Variants in TEX2 observed in about 807,000 individuals in gnomAD.
TEX2 encodes the protein testis-expressed protein 2.
A neutral mutation model predicts 106.9 loss-of-function variants in TEX2; 53 were observed. The ratio of observed to expected loss-of-function variants is 0.50; its 90% confidence interval spans 0.40 to 0.62. The LOEUF (loss-of-function observed/expected upper bound fraction) is 0.62, where lower values mean the gene tolerates loss of function less well. Ranked by LOEUF, TEX2 falls within the 20% of genes least tolerant of loss-of-function variation. TEX2 has a pLI of 0.00. For synonymous variants in TEX2, 523 were observed against 534.8 expected (o/e 0.98, Z 0.30); for missense variants, 1,207 against 1,379.0 (o/e 0.88, Z 1.98).
chr17:64,199,839 G>C (rs1379729192), intron 2 of TEX2, among the ~76,000 whole-genome samples: 4 of 152,220 alleles, frequency 2.6e-5, no homozygotes, highest in Non-Finnish European at 4.4e-5. Flanking sequence ...TTGGGTTCAA[G>C]CTTTTTAGCC....
In TEX2 at chr17:64,213,876, TAC is replaced by T; in HGVS notation, c.340_341del (p.Val114LysfsTer32). The T allele has an allele frequency of 6.2e-7, 1 of 1,614,200 alleles. No homozygotes were observed. The highest frequency in any genetic ancestry group is 8.5e-7 in the Non-Finnish European group (1 of 1,180,036). On this transcript the variant is annotated frameshift_variant, in exon 2 of 12. Transcript: ENST00000584379. LOFTEE classifies it high-confidence loss of function. The surrounding 1 kb of genome is among the most constrained non-coding windows in gnomAD (Gnocchi z 4.4). ...CTGGAACAGGGGACTCCAACAGCTT[TAC>T]AGTGTTCTTGGAGACGGGCAAAATG... The part of the protein sequence containing the change: ...PAILPVSKNT[V>X]KLLESPVPAA...
chr17:64,154,311 G>A (rs1476654105), intron 9 of TEX2, among the ~76,000 whole-genome samples: 2 of 151,924 alleles, frequency 1.3e-5, no homozygotes. Context: ...TTGTGGATAG[G>A]CTATTTAAGC....
chr17:64,262,823 T>C (rs1297998770), intron 1 of TEX2, among the ~76,000 whole-genome samples: 3 of 152,246 alleles, frequency 2.0e-5, no homozygotes, highest in Non-Finnish European at 4.4e-5. Context: ...GCCCCATTCA[T>C]AAAATTGCAA....
chr17:64,158,574 T>TCTG (rs1435946919), intron 8 of TEX2, among the ~76,000 whole-genome samples: 1 of 152,216 alleles, frequency 6.6e-6, no homozygotes, highest in Non-Finnish European at 1.5e-5. Flanking sequence ...CTGTCCCTCC[T>TCTG]CTGCTACTAA....
intron 1 of TEX2, among the ~76,000 whole-genome samples, chr17:64,237,767 G>A (rs1370114770): frequency 6.6e-6 from 1 of 152,114 alleles, no homozygotes; most frequent in Non-Finnish European, 1.5e-5. Flanking sequence ...AACATGGTAG[G>A]TTCAGTTTGG....
chr17:64,233,184 C>CA (rs1240480249), intron 1 of TEX2, among the ~76,000 whole-genome samples: 1 of 152,160 alleles, frequency 6.6e-6, no homozygotes, highest in Non-Finnish European at 1.5e-5. Flanking sequence ...ACCCCACCCC[C>CA]AAACACACAC....
At chr17:64,246,998 G>A (rs2143449480) in intron 1 of TEX2, among the ~76,000 whole-genome samples, 1 of 152,316 alleles carries the variant, frequency 6.6e-6, no homozygotes, top group South Asian at 2.1e-4. Flanking sequence ...AGCTGGGCGT[G>A]GTGGCTCATG....
chr17:64,216,399 CT>C (rs546469878), intron 1 of TEX2, among the ~76,000 whole-genome samples: 95 of 152,290 alleles, frequency 6.2e-4, no homozygotes, highest in African/African-American at 2.1e-3. Flanking sequence ...ATTTAAGTTG[CT>C]TTCATAACAT....
intron 8 of TEX2, 128 bp from the exon 9 acceptor site, chr17:64,155,095 G>C (rs539871692): frequency 3.4e-6 from 4 of 1,188,446 alleles, no homozygotes; most frequent in Non-Finnish European, 4.4e-6. Flanking sequence ...ACTACATCTC[G>C]TCATTCTCTC....
intron 1 of TEX2, among the ~76,000 whole-genome samples, chr17:64,222,607 G>A (rs2033391686): frequency 6.6e-6 from 1 of 150,620 alleles, no homozygotes; most frequent in Non-Finnish European, 1.5e-5. Context: ...GTCAACACAG[G>A]AGACCCATCA....
At position 64,214,250 on chromosome 17, in the gene TEX2, AAC is replaced by A; in HGVS notation, c.-25-10_-25-9del. On this transcript the variant is annotated splice_polypyrimidine_tract_variant and intron_variant, in intron 1 of 11. Transcript: ENST00000584379. ...TTCACAAGGGCTCAGGCTCTGTGAA[AAC>A]AGTGAGAAAACCAGAAGTCAGAGAG... The A allele has an allele frequency of 4.4e-6, 7 of 1,580,836 alleles. No individual in the cohort carries two copies. The highest frequency in any genetic ancestry group is 6.0e-6 in the Non-Finnish European group (7 of 1,160,578).
chr17:64,178,328 C>T (rs533092404), intron 5 of TEX2, among the ~76,000 whole-genome samples: 7 of 152,290 alleles, frequency 4.6e-5, no homozygotes, highest in Admixed American at 2.0e-4. Flanking sequence ...CACCCACAGA[C>T]GGTGTTGTAA....
At chr17:64,201,249 C>A (rs2032650226) in intron 2 of TEX2, among the ~76,000 whole-genome samples, 1 of 152,150 alleles carries the variant, frequency 6.6e-6, no homozygotes, top group South Asian at 2.1e-4. Context: ...GCTTTGCTCA[C>A]CTGTAAAAGG....
intron 1 of TEX2, among the ~76,000 whole-genome samples, chr17:64,246,293 T>A (rs1195152291): frequency 4.6e-5 from 7 of 152,224 alleles, no homozygotes; most frequent in Non-Finnish European, 7.3e-5. Context: ...TTGCCCAGGC[T>A]GGAGTGCAGT....
rs2033071623 is a variant in TEX2, at chr17:64,213,315, A to G, written c.903T>C (p.Pro301=). ...CTATAATTTTACTAAGGAGCTGAAA[A>G]GGCTCATAGATGACTTCTGAAAGGC... The part of the protein sequence containing the change: ...KRRLSEVIYE[P]FQLLSKIIGE... The change falls in exon 2 of 12, where the codon CCT becomes CCC. Residue 301 remains proline, a synonymous_variant. Transcript: ENST00000584379. This position sits in a 1 kb window ranked among gnomAD's most constrained non-coding sequence, Gnocchi z 4.4. 4 of 1,613,934 alleles carry G rather than the reference A, an allele frequency of 2.5e-6. No individual in the cohort carries two copies. In the African/African-American group the frequency reaches 4.0e-5, roughly 16 times the overall value.
chr17:64,236,393 G>A (rs558058422), intron 1 of TEX2, among the ~76,000 whole-genome samples: 10 of 152,004 alleles, frequency 6.6e-5, no homozygotes, highest in East Asian at 1.9e-4. Flanking sequence ...GTGAGACCCC[G>A]TCTCTACAAA....
intron 1 of TEX2, chr17:64,242,160 A>T (rs1319236714): frequency 6.6e-6 from 1 of 152,224 alleles, no homozygotes; most frequent in Non-Finnish European, 1.5e-5. Flanking sequence ...AGTTCAGAAG[A>T]GGAATGTTTA....
Position 64,154,860 on chromosome 17 carries a change from A to G in TEX2, c.2912T>C (p.Leu971Pro). Residue 971 changes from leucine (L) to proline (P), a missense_variant, in exon 9 of 12, where the codon CTC (leucine) becomes CCC (proline). Leu to Pro is a moderately conservative substitution (Grantham distance 98, BLOSUM62 -3). Around this residue, in one of 3 missense-constraint regions of TEX2, gnomAD observed 1,067 missense variants for 1,193.6 expected, o/e 0.89. Transcript: ENST00000584379. ...CACTCACCCTTCAGCCCCTGGGAGG[A>G]GCTGTTTGTCTCCCCCGCTGGGCTC... ...APEPSGGDKQ[L>P]LPGAEGYVGG... 1 of 1,606,852 alleles carries G rather than the reference A, an allele frequency of 6.2e-7. No individual in the cohort carries two copies. The highest frequency in any genetic ancestry group is 8.5e-7 in the Non-Finnish European group (1 of 1,176,972).
At chr17:64,166,807 A>C (rs1003228503) in intron 7 of TEX2, among the ~76,000 whole-genome samples, 1 of 152,260 alleles carries the variant, frequency 6.6e-6, no homozygotes, top group Non-Finnish European at 1.5e-5. Context: ...GGAGTTAATA[A>C]AATGACTGGA....
Sources: allele counts gnomAD v4.1 joint callset (sites outside exome capture counted in the v4.1 genomes callset), GRCh38; gene constraint gnomAD v4.1.1; regional missense constraint gnomAD v4.1.1; non-coding constraint Gnocchi (gnomAD v3.1); transcripts MANE v1.5; gene names NCBI Gene and HGNC (gene_info 2026-07-23, HGNC 2026-07-21).